The following BPNT2 variants were observed in gnomAD, a reference collection of about 807,000 sequenced individuals.
BPNT2 encodes 3'(2'), 5'-bisphosphate nucleotidase 2.
BPNT2 carries 11 observed loss-of-function variants against 29.3 expected under a neutral mutation model. The observed-to-expected ratio is 0.38, with a 90% CI of 0.24 to 0.62. The LOEUF is 0.62. Ranked by LOEUF, BPNT2 falls within the 20% of genes least tolerant of loss-of-function variation. The pLI is 0.62. For synonymous variants in BPNT2, 195 were observed against 187.7 expected, an observed-to-expected ratio of 1.04 and a Z score of -0.32; for missense variants, 459 against 473.4, an observed-to-expected ratio of 0.97 and a Z score of 0.28.
At position 56,961,873 on chromosome 8, in the gene BPNT2, T is replaced by C. The variant is rs1165426228; in HGVS notation, c.*1920A>G. 6.6e-6 allele frequency: 1 copy of C among 152,102 alleles called. No homozygotes were observed. The highest frequency in any genetic ancestry group is 1.5e-5 in the Non-Finnish European group (1 of 68,014). The allele number at this position is 152,102 out of a possible 1,614,324, so 9.4% of individuals were successfully genotyped here. A position where few individuals can be genotyped will look rare whatever the true frequency, so the allele number is the denominator to read the frequency against. Reference sequence around the variant, plus strand: ...TAAAATAATTCCTGCTAATATGAACTAGTTTGCTTCCCATTAAATCAGAGT... The same window carrying C: ...TAAAATAATTCCTGCTAATATGAACCAGTTTGCTTCCCATTAAATCAGAGT... On this transcript the variant is annotated 3_prime_UTR_variant, in exon 5 of 5. Coordinates refer to ENST00000262644, the MANE Select transcript of BPNT2 (RefSeq NM_017813.5).
chr8:56,983,982 T>C (rs1343781649), intron 1 of BPNT2, among the ~76,000 whole-genome samples: 1 of 151,906 alleles, frequency 6.6e-6, no homozygotes, highest in Non-Finnish European at 1.5e-5. Flanking sequence ...AATGCCAGAC[T>C]ACCTCAGATG....
rs1018416145 is a variant in BPNT2 at position 56,963,694 on chromosome 8, G to A, written c.*99C>T. The A allele has an allele frequency of 8.9e-5, 121 of 1,365,264 alleles. 1 individual carries two copies. The highest frequency in any genetic ancestry group is 1.2e-4 in the Non-Finnish European group (112 of 961,792). The allele number at this position is 1,365,264 out of a possible 1,614,324, so 84.6% of individuals were successfully genotyped here. ...TAAATACTTTAAAAAGTTCGGGATG[G>A]CCTTAACCATGCATAGTCTCCACCA... On this transcript the variant is annotated 3_prime_UTR_variant, in exon 5 of 5. Transcript: ENST00000262644.
intron 1 of BPNT2, among the ~76,000 whole-genome samples, chr8:56,992,569 C>G (rs1806434734): frequency 6.6e-6 from 1 of 152,098 alleles, no homozygotes; most frequent in Admixed American, 6.5e-5. Context: ...GATCTTTAAT[C>G]AAGGGCCAGG....
At chr8:56,992,293 T>C (rs1266371596) in intron 1 of BPNT2, among the ~76,000 whole-genome samples, 1 of 152,120 alleles carries the variant, frequency 6.6e-6, no homozygotes, top group African/African-American at 2.4e-5. Flanking sequence ...AAAACTACAG[T>C]TAGGTGAGTT....
chr8:56,974,941 C>T (rs768088155), intron 3 of BPNT2, among the ~76,000 whole-genome samples: 1 of 152,104 alleles, frequency 6.6e-6, no homozygotes, highest in Non-Finnish European at 1.5e-5. Flanking sequence ...ATCTATTTGC[C>T]TATCTAATAC....
chr8:56,990,128 C>T (rs1806394219), intron 1 of BPNT2, among the ~76,000 whole-genome samples: 1 of 152,212 alleles, frequency 6.6e-6, no homozygotes, highest in South Asian at 2.1e-4. Context: ...AAGAGAGAAG[C>T]TTAACTTCCA....
chr8:56,993,284 C>T lies in BPNT2; in HGVS notation c.302G>A (p.Gly101Glu). ...HEKSKGKTRE[G>E]AEDKMTSGDV... Reference sequence around the variant, plus strand: ...GCCGCTGGTCATCTTGTCCTCGGCTCCCTCGCGCGTCTTCCCCTTGGACTT... The same window carrying T: ...GCCGCTGGTCATCTTGTCCTCGGCTTCCTCGCGCGTCTTCCCCTTGGACTT... Residue 101 changes from glycine (G) to glutamate (E), a missense_variant, in exon 1 of 5, where the codon GGA becomes GAA. Physicochemically the swap from Gly to Glu is moderately conservative, Grantham distance 98 (BLOSUM62 -2). Transcript: ENST00000262644. 1 of 1,611,748 alleles carries T rather than the reference C, an allele frequency of 6.2e-7. No individual in the cohort carries two copies. The highest frequency in any genetic ancestry group is 8.5e-7 in the Non-Finnish European group (1 of 1,179,950).
intron 1 of BPNT2, among the ~76,000 whole-genome samples, chr8:56,988,020 G>A (rs1463371675): frequency 2.6e-5 from 4 of 151,962 alleles, no homozygotes; most frequent in Non-Finnish European, 2.9e-5. Flanking sequence ...GAGCCACCAC[G>A]CCAGGCCTCA....
chr8:56,981,918 A>G (rs1806251547), intron 1 of BPNT2, among the ~76,000 whole-genome samples: 3 of 152,106 alleles, frequency 2.0e-5, no homozygotes, highest in Admixed American at 6.6e-5. Context: ...TGCCAAAGCG[A>G]TTACAGCACT....
chr8:56,967,718 T>G (rs1805974371), intron 3 of BPNT2, among the ~76,000 whole-genome samples: 1 of 152,142 alleles, frequency 6.6e-6, no homozygotes, highest in Non-Finnish European at 1.5e-5. Context: ...GGGATGATGA[T>G]GTAAGACATC....
intron 1 of BPNT2, among the ~76,000 whole-genome samples, chr8:56,992,695 C>A (rs566439747): frequency 2.0e-5 from 3 of 147,028 alleles, no homozygotes; most frequent in East Asian, 2.0e-4. Flanking sequence ...CCCACCCCCC[C>A]ACCCCGACTC....
intron 3 of BPNT2, among the ~76,000 whole-genome samples, chr8:56,966,801 T>A (rs1805960853): frequency 6.6e-6 from 1 of 152,200 alleles, no homozygotes; most frequent in South Asian, 2.1e-4. Flanking sequence ...TAAGCACAAG[T>A]AACTTCCCTA....
chr8:56,972,416 C>T (rs73683607), intron 3 of BPNT2, among the ~76,000 whole-genome samples: 131 of 151,232 alleles, frequency 8.7e-4, no homozygotes, highest in African/African-American at 2.9e-3. Context: ...ATGAATACAG[C>T]GTAAGAATAA....
Position 56,960,620 on chromosome 8 carries a change from G to A in BPNT2, c.*3173C>T, listed in dbSNP as rs757689543. On this transcript the variant is annotated 3_prime_UTR_variant, in exon 5 of 5. Transcript: ENST00000262644. ...ATACCAAGACAAACATGACCATCTT[G>A]TAGGTCCTTGTAAATTCAACTGAAC... 8 of 152,206 alleles carry A rather than the reference G, an allele frequency of 5.3e-5. No individual in the cohort carries two copies. Among genetic ancestry groups the A allele is most frequent in the Non-Finnish European group, 8.8e-5 (6 of 68,046 alleles). The allele number at this position is 152,206 out of a possible 1,614,324, so 9.4% of individuals were successfully genotyped here. A position where few individuals can be genotyped will look rare whatever the true frequency, so the allele number is the denominator to read the frequency against.
chr8:56,991,955 G>A (rs1259665456), intron 1 of BPNT2, among the ~76,000 whole-genome samples: 1 of 151,814 alleles, frequency 6.6e-6, no homozygotes, highest in Admixed American at 6.6e-5. Context: ...TGTGTTTTAA[G>A]TAGAAATTTG....
At position 56,993,507 on chromosome 8, in the gene BPNT2, G is replaced by A; in HGVS notation, c.79C>T (p.Leu27Phe). 6 of 1,501,644 alleles carry A rather than the reference G, an allele frequency of 4.0e-6. No homozygotes were observed. Among genetic ancestry groups the A allele is most frequent in the Non-Finnish European group, 5.3e-6 (6 of 1,125,804 alleles). The allele number at this position is 1,501,644 out of a possible 1,614,324, so 93.0% of individuals were successfully genotyped here. A position where few individuals can be genotyped will look rare whatever the true frequency, so the allele number is the denominator to read the frequency against. Residue 27 changes from leucine (L) to phenylalanine (F), a missense_variant, in exon 1 of 5, where the codon CTC becomes TTC. Transcript: ENST00000262644. Reference sequence around the variant, plus strand: ...CGGCCGGCCAAGAAGCCCGAGTAGAGGTGGTAGAGCACGCCGAGCCCCAGC... The same window carrying A: ...CGGCCGGCCAAGAAGCCCGAGTAGAAGTGGTAGAGCACGCCGAGCCCCAGC... ...CLLGLGVLYH[L>F]YSGFLAGRFS...
At position 56,993,598 on chromosome 8, in the gene BPNT2, C is replaced by G; in HGVS notation, c.-13G>C. On this transcript the variant is annotated 5_prime_UTR_variant, in exon 1 of 5. Coordinates refer to ENST00000262644, the MANE Select transcript of BPNT2 (RefSeq NM_017813.5). ...CCATGGGGGCCATGGCGTGGGAAGC[C>G]GGGCGCTCCGGGCTGCGGCTCTCAC... 2 of 1,414,424 alleles carry G rather than the reference C, an allele frequency of 1.4e-6. No homozygotes were observed. Among genetic ancestry groups the G allele is most frequent in the South Asian group, 3.1e-5 (2 of 65,234 alleles). The allele number at this position is 1,414,424 out of a possible 1,614,324, so 87.6% of individuals were successfully genotyped here.
chr8:56,976,482 T>G (rs1460692505), intron 3 of BPNT2, among the ~76,000 whole-genome samples: 3 of 152,168 alleles, frequency 2.0e-5, no homozygotes, highest in Non-Finnish European at 4.4e-5. Flanking sequence ...ATAATTAATC[T>G]TACAGTATAT....
intron 3 of BPNT2, among the ~76,000 whole-genome samples, chr8:56,971,833 C>T (rs1474940242): frequency 2.0e-5 from 3 of 149,440 alleles, no homozygotes; most frequent in African/African-American, 7.3e-5. Context: ...TGAGCACCCA[C>T]TTAAAACCCT....
Sources: gnomAD v4.1 joint callset for allele counts (sites outside exome capture counted in the v4.1 genomes callset) on GRCh38, gnomAD v4.1.1 for gene constraint, MANE v1.5 for transcripts, NCBI Gene and HGNC (gene_info 2026-07-23, HGNC 2026-07-21) for gene names.